SECISBP2L: variants seen among roughly 807,000 people sequenced by gnomAD.
SECISBP2L encodes the protein SECIS binding protein 2 like.
SECISBP2L carries 43 observed loss-of-function variants against 114.7 expected under a neutral mutation model. That is an observed-to-expected ratio of 0.38 (90% confidence interval 0.29 to 0.48). The LOEUF (loss-of-function observed/expected upper bound fraction) is 0.48, where lower values mean the gene tolerates loss of function less well. Ranked by LOEUF, SECISBP2L falls within the 20% of genes least tolerant of loss-of-function variation. The probability of loss-of-function intolerance (pLI) is 0.98; values close to 1 mark genes in which losing one functional copy is unlikely to be tolerated. For synonymous variants in SECISBP2L, 451 were observed against 439.7 expected, an observed-to-expected ratio of 1.03 and a Z score of -0.32; for missense variants, 1,136 against 1,301.1, an observed-to-expected ratio of 0.87 and a Z score of 1.95.
rs147547008 is a variant in SECISBP2L at position 49,037,272 on chromosome 15, C to CAAAA, written c.203+315_203+318dup. On this transcript the variant is annotated intron_variant, in intron 2 of 17. Transcript: ENST00000559471. ...AACTATGAGATTAGATGTTCAATCTCAAAAAAAAAAAAAAAAAAAAAAAAA... is the reference window on the plus strand; with the variant it reads ...AACTATGAGATTAGATGTTCAATCTCAAAAAAAAAAAAAAAAAAAAAAAAAAAAA... The CAAAA allele has an allele frequency of 1.6e-3, 119 of 76,002 alleles. 7 individuals are homozygous for CAAAA. Among genetic ancestry groups the CAAAA allele is most frequent in the African/African-American group, 3.3e-3 (52 of 15,952 alleles). The allele number at this position is 76,002 out of a possible 1,614,324, so 4.7% of individuals were successfully genotyped here.
intron 14 of SECISBP2L, among the ~76,000 whole-genome samples, chr15:49,006,029 T>C (rs1902316526): frequency 6.6e-6 from 1 of 152,196 alleles, no homozygotes; most frequent in African/African-American, 2.4e-5. Context: ...TTTGGCTGAA[T>C]TTGAAATTCT....
At chr15:49,001,445 T>C (rs1016822748) in intron 14 of SECISBP2L, among the ~76,000 whole-genome samples, 5 of 149,272 alleles carry the variant, frequency 3.3e-5, no homozygotes, top group African/African-American at 1.3e-4. Flanking sequence ...ATTTGTTGTC[T>C]TCCACATCGT....
chr15:49,016,764 T>C (rs1902544996), intron 10 of SECISBP2L, 63 bp from the exon 11 acceptor site: 6 of 1,529,706 alleles, frequency 3.9e-6, no homozygotes, highest in East Asian at 2.3e-5. Context: ...CATTTTAAGA[T>C]GACTACATTT....
chr15:48,997,284 A>G (rs1329026155), intron 16 of SECISBP2L, among the ~76,000 whole-genome samples: 1 of 152,232 alleles, frequency 6.6e-6, no homozygotes, highest in East Asian at 1.9e-4. Flanking sequence ...AATGTAGAAG[A>G]AGATGGCAGT....
At chr15:49,032,588 T>C (rs558549065) in intron 4 of SECISBP2L, among the ~76,000 whole-genome samples, 3 of 152,310 alleles carry the variant, frequency 2.0e-5, no homozygotes, top group Admixed American at 6.5e-5. Context: ...CAAAGATATA[T>C]AGGATATTAG....
rs1338318786 is a variant in SECISBP2L, at chr15:48,990,996, CATTT to C, written c.*1244_*1247del. On this transcript the variant is annotated 3_prime_UTR_variant, in exon 18 of 18. Coordinates refer to ENST00000559471, the MANE Select transcript of SECISBP2L (RefSeq NM_001193489.2). Reference sequence around the variant, plus strand: ...TGACTAGCAAATAAAACATTTAGCTCATTTATTGTCTCCTAAGCAGGTATACAAA... The same window carrying C: ...TGACTAGCAAATAAAACATTTAGCTCATTGTCTCCTAAGCAGGTATACAAA... The C allele has an allele frequency of 6.6e-6, 1 of 152,142 alleles. No individual in the cohort carries two copies. Among genetic ancestry groups the C allele is most frequent in the Non-Finnish European group, 1.5e-5 (1 of 68,040 alleles). 9.4% of individuals were successfully genotyped at this position (152,142 alleles called of 1,614,324 possible).
Position 49,000,857 on chromosome 15 carries a change from C to T in SECISBP2L, c.2248+20G>A. 1 of 1,600,662 alleles carries T rather than the reference C, an allele frequency of 6.2e-7. No individual in the cohort carries two copies. On this transcript the variant is annotated intron_variant, in intron 15 of 17. Coordinates refer to ENST00000559471, the MANE Select transcript of SECISBP2L (RefSeq NM_001193489.2). ...CCACAGCTATACTATCAAAACACTTCAAAAGCAAAAAGCGCATACCTTTTG... is the reference window on the plus strand; with the variant it reads ...CCACAGCTATACTATCAAAACACTTTAAAAGCAAAAAGCGCATACCTTTTG...
At chr15:49,036,874 T>C (rs926434862) in intron 2 of SECISBP2L, among the ~76,000 whole-genome samples, 3 of 152,212 alleles carry the variant, frequency 2.0e-5, no homozygotes, top group African/African-American at 7.2e-5. Context: ...TGACAGAGCC[T>C]ATAGCCAGTT....
At position 48,992,783 on chromosome 15, in the gene SECISBP2L, A is replaced by G; in HGVS notation, c.2767T>C (p.Leu923=). 2 of 1,614,188 alleles carry G rather than the reference A, an allele frequency of 1.2e-6. No individual in the cohort carries two copies. The highest frequency in any genetic ancestry group is 2.2e-5 in the South Asian group (2 of 91,084). Residue 923 remains leucine (L), a synonymous_variant, in exon 18 of 18, where the codon TTA becomes CTA. Transcript: ENST00000559471. ...DTPPIGKQPS[L]VATGSTTSAT... is the part of the protein sequence containing the mutation. Reference sequence around the variant, plus strand: ...GAGGTAGTACTGCCTGTAGCCACTAATGATGGCTGCTTACCAATTGGGGGT... The same window carrying G: ...GAGGTAGTACTGCCTGTAGCCACTAGTGATGGCTGCTTACCAATTGGGGGT...
chr15:49,014,191 G>A (rs1902492542), intron 11 of SECISBP2L, among the ~76,000 whole-genome samples: 2 of 152,020 alleles, frequency 1.3e-5, no homozygotes, highest in African/African-American at 4.8e-5. Flanking sequence ...TCAGCATTTG[G>A]TACCAAGGAC....
intron 17 of SECISBP2L, among the ~76,000 whole-genome samples, chr15:48,995,052 A>T (rs1261800348): frequency 6.6e-6 from 1 of 152,128 alleles, no homozygotes; most frequent in Non-Finnish European, 1.5e-5. Context: ...CCAAGGCTTC[A>T]ATCTTTGAAC....
intron 11 of SECISBP2L, among the ~76,000 whole-genome samples, chr15:49,015,565 C>T (rs879012651): frequency 2.0e-5 from 3 of 152,182 alleles, no homozygotes; most frequent in Admixed American, 1.3e-4. Context: ...TGGTGCTGTA[C>T]ATTGGTACCT....
At chr15:49,022,667 T>C (rs1337838914) in intron 7 of SECISBP2L, among the ~76,000 whole-genome samples, 1 of 152,146 alleles carries the variant, frequency 6.6e-6, no homozygotes, top group African/African-American at 2.4e-5. Context: ...ATCATAAAGG[T>C]AGCTGATTCT....
rs1190823339 is a variant in SECISBP2L, at chr15:48,990,444, T to C, written c.*1800A>G. The C allele has an allele frequency of 6.6e-6, 1 of 152,398 alleles. No individual in the cohort carries two copies. Among genetic ancestry groups the C allele is most frequent in the Non-Finnish European group, 1.5e-5 (1 of 68,028 alleles). The allele number at this position is 152,398 out of a possible 1,614,324, so 9.4% of individuals were successfully genotyped here. A position where few individuals can be genotyped will look rare whatever the true frequency, so the allele number is the denominator to read the frequency against. ...GAGGCTTCATTCCTTACCTGCTGTGTTCCTTTAAATATTGGATATTTAGTG... is the reference window on the plus strand; with the variant it reads ...GAGGCTTCATTCCTTACCTGCTGTGCTCCTTTAAATATTGGATATTTAGTG... On this transcript the variant is annotated 3_prime_UTR_variant, in exon 18 of 18. Transcript: ENST00000559471.
chr15:49,036,494 A>T (rs772006404), intron 2 of SECISBP2L, among the ~76,000 whole-genome samples: 2 of 152,232 alleles, frequency 1.3e-5, no homozygotes, highest in Non-Finnish European at 2.9e-5. Context: ...ATTCACAAAG[A>T]TTATTTGGTA....
In SECISBP2L at chr15:49,046,349, C is replaced by A; in HGVS notation, c.-50G>T. ...GCGCTAGTCGGTGTAAACAGCGCCT[C>A]GGGCCGCTTTCTCCATGGCCCCCCG... is the stretch of plus-strand genomic sequence containing the variant. On this transcript the variant is annotated 5_prime_UTR_variant, in exon 1 of 18. Transcript: ENST00000559471. The A allele has an allele frequency of 1.4e-6, 2 of 1,459,390 alleles. No homozygotes were observed. Among genetic ancestry groups the A allele is most frequent in the South Asian group, 1.4e-5 (1 of 73,832 alleles). The allele number at this position is 1,459,390 out of a possible 1,614,324, so 90.4% of individuals were successfully genotyped here. A position where few individuals can be genotyped will look rare whatever the true frequency, so the allele number is the denominator to read the frequency against.
At chr15:49,030,053 AAAAAAAC>A (rs1469313041) in intron 4 of SECISBP2L, among the ~76,000 whole-genome samples, 1 of 151,922 alleles carries the variant, frequency 6.6e-6, no homozygotes, top group Non-Finnish European at 1.5e-5. Flanking sequence ...AGTCCAAAAA[AAAAAAAC>A]AAAAAACAAG....
In SECISBP2L at chr15:48,992,582, C is replaced by T; in HGVS notation, c.2968G>A (p.Glu990Lys). The part of the protein sequence containing the change: ...TSTLVPGMLE[E>K]EEDEDEEEEE... ...TCCTCCTCATCTTCATCTTCTTCTT[C>T]TTCAAGCATGCCAGGTACAAGAGTG... is the stretch of plus-strand genomic sequence containing the variant. Residue 990 changes from glutamate to lysine, a missense_variant, in exon 18 of 18, where the codon GAA becomes AAA. Physicochemically the swap from Glu to Lys is moderately conservative, Grantham distance 56. This residue lies in a region of SECISBP2L where 684 missense variants were observed against 848.7 expected (regional missense o/e 0.81). Coordinates refer to ENST00000559471, the MANE Select transcript of SECISBP2L (RefSeq NM_001193489.2). 3.7e-6 allele frequency: 6 copies of T among 1,614,148 alleles called. No homozygotes were observed. Among genetic ancestry groups the T allele is most frequent in the Non-Finnish European group, 5.1e-6 (6 of 1,180,028 alleles).
At chr15:49,031,273 T>C (rs1049510058) in intron 4 of SECISBP2L, among the ~76,000 whole-genome samples, 1 of 152,018 alleles carries the variant, frequency 6.6e-6, no homozygotes. Context: ...AGTCTCGAAC[T>C]CCAGACCTCA....
Sources: gnomAD v4.1 joint callset for allele counts (sites outside exome capture counted in the v4.1 genomes callset) on GRCh38, gnomAD v4.1.1 for gene constraint, gnomAD v4.1.1 regional missense constraint, MANE v1.5 for transcripts, NCBI Gene and HGNC (gene_info 2026-07-23, HGNC 2026-07-21) for gene names.